Variants in RAB3C observed in about 807,000 individuals in gnomAD.
The protein encoded by RAB3C is RAB3C, member RAS oncogene family.
RAB3C carries 17 observed loss-of-function variants against 26.4 expected under a neutral mutation model. The ratio of observed to expected loss-of-function variants is 0.64; its 90% CI spans 0.44 to 0.97. The LOEUF is 0.97. RAB3C is among the 50% of genes least tolerant of loss of function. The probability of loss-of-function intolerance (pLI) is 0.00; values close to 1 mark genes in which losing one functional copy is unlikely to be tolerated. For synonymous variants in RAB3C, 91 were observed against 95.9 expected (o/e 0.95, Z 0.30); for missense variants, 242 against 281.9 (o/e 0.86, Z 1.01).
intron 1 of RAB3C, among the ~76,000 whole-genome samples, chr5:58,597,759 GTATATAACATATAA>G (rs1746354956): frequency 1.8e-5 from 2 of 113,636 alleles, no homozygotes; most frequent in Non-Finnish European, 3.4e-5. Flanking sequence ...TTATATATAA[GTATATAACATATAA>G]TACATTATAT....
chr5:58,766,741 G>A lies in RAB3C; in HGVS notation c.371+40621G>A, dbSNP rs531956879. Among the ~76,000 whole-genome samples the A allele has an allele frequency of 4.6e-5, 7 of 152,180 alleles. No individual in the cohort carries two copies. The East Asian group carries it at 9.7e-4, about 21-fold the overall frequency. On this transcript the variant is annotated intron_variant, in intron 3 of 4. Coordinates refer to ENST00000282878, the MANE Select transcript of RAB3C (RefSeq NM_138453.4). The stretch of plus-strand genomic sequence containing the variant: ...ATAGAGCTCAGCTAAAGGTTTAATC[G>A]GAGCCTTCGTTAGATAAAGGCATGG...
chr5:58,642,502 G>A (rs1747431435), intron 2 of RAB3C, among the ~76,000 whole-genome samples: 1 of 152,050 alleles, frequency 6.6e-6, no homozygotes. Flanking sequence ...TCTATACCAG[G>A]CCTCAATAAA....
At position 58,703,473 on chromosome 5, in the gene RAB3C, C is replaced by T. The variant is rs945564581; in HGVS notation, c.253-22529C>T. Among the ~76,000 whole-genome samples, 8 of 152,258 alleles carry T rather than the reference C, an allele frequency of 5.3e-5. No homozygotes were observed. In the South Asian group the frequency reaches 6.2e-4, roughly 12 times the overall value. Reference sequence around the variant, plus strand: ...CTGGAATTACAGGCATGAGCCACCGCGTCTGGCCATGTTTATTCTTTTGTA... The same window carrying T: ...CTGGAATTACAGGCATGAGCCACCGTGTCTGGCCATGTTTATTCTTTTGTA... On this transcript the variant is annotated intron_variant, in intron 2 of 4. Coordinates refer to ENST00000282878, the MANE Select transcript of RAB3C (RefSeq NM_138453.4).
chr5:58,780,344 C>A (rs1291046369), intron 3 of RAB3C, among the ~76,000 whole-genome samples: 1 of 152,112 alleles, frequency 6.6e-6, no homozygotes, highest in East Asian at 1.9e-4. Flanking sequence ...TCCTGAAAAT[C>A]AAAGCATTGT....
In RAB3C at chr5:58,711,004, G is replaced by A. The variant is rs1749048593; in HGVS notation, c.253-14998G>A. 2.6e-5 allele frequency among the ~76,000 whole-genome samples: 4 copies of A among 152,098 alleles called. No individual in the cohort carries two copies. In the South Asian group the frequency reaches 6.2e-4, roughly 24 times the overall value. Reference sequence around the variant, plus strand: ...TTCACTAGGCCCTTTGTTTCCATGAGGATCAAAGCAATCATAAAAATAAGA... The same window carrying A: ...TTCACTAGGCCCTTTGTTTCCATGAAGATCAAAGCAATCATAAAAATAAGA... On this transcript the variant is annotated intron_variant, in intron 2 of 4. Coordinates refer to ENST00000282878, the MANE Select transcript of RAB3C (RefSeq NM_138453.4).
chr5:58,631,500 G>A (rs979263951), intron 2 of RAB3C, among the ~76,000 whole-genome samples: 2 of 152,204 alleles, frequency 1.3e-5, no homozygotes, highest in African/African-American at 4.8e-5. Flanking sequence ...ATAGTAGTTT[G>A]TGAAGCAAAG....
At chr5:58,589,732 G>T (rs1296254000) in intron 1 of RAB3C, among the ~76,000 whole-genome samples, 1 of 152,070 alleles carries the variant, frequency 6.6e-6, no homozygotes, top group South Asian at 2.1e-4. Context: ...AATGGACTCC[G>T]CAGGTATAAT....
intron 3 of RAB3C, among the ~76,000 whole-genome samples, chr5:58,738,726 T>C (rs1300940607): frequency 6.6e-6 from 1 of 152,184 alleles, no homozygotes. Context: ...GAATAAAAGG[T>C]ATTATGTAAA....
At chr5:58,650,422 C>T (rs1175149730) in intron 2 of RAB3C, among the ~76,000 whole-genome samples, 1 of 152,078 alleles carries the variant, frequency 6.6e-6, no homozygotes, top group Non-Finnish European at 1.5e-5. Flanking sequence ...AGTCAAGAAA[C>T]TTGAAAAGAA....
intron 3 of RAB3C, among the ~76,000 whole-genome samples, chr5:58,748,107 CTTG>C (rs1741437435): frequency 1.3e-5 from 2 of 151,906 alleles, no homozygotes; most frequent in South Asian, 4.1e-4. Flanking sequence ...ATCCTCAATA[CTTG>C]TTGTTCATAT....
chr5:58,751,741 A>G (rs1489056810), intron 3 of RAB3C, among the ~76,000 whole-genome samples: 1 of 152,128 alleles, frequency 6.6e-6, no homozygotes. Flanking sequence ...GACTGAGCTG[A>G]CTTTTTATTT....
intron 4 of RAB3C, among the ~76,000 whole-genome samples, chr5:58,843,043 C>T (rs1743909724): frequency 6.6e-6 from 1 of 152,090 alleles, no homozygotes; most frequent in Admixed American, 6.5e-5. Flanking sequence ...CCTGGTTTAC[C>T]AAGTGTGTGA....
intron 3 of RAB3C, among the ~76,000 whole-genome samples, chr5:58,747,845 G>C (rs1248967751): frequency 6.6e-6 from 1 of 151,786 alleles, no homozygotes; most frequent in Non-Finnish European, 1.5e-5. Flanking sequence ...AAAATACCTG[G>C]GGTTTAAATG....
intron 3 of RAB3C, among the ~76,000 whole-genome samples, chr5:58,753,555 C>T (rs951823595): frequency 3.9e-5 from 6 of 152,128 alleles, no homozygotes; most frequent in African/African-American, 9.6e-5. Context: ...AAAGAAACTC[C>T]GGAGCATCTG....
chr5:58,761,014 T>C (rs1256895806), intron 3 of RAB3C, among the ~76,000 whole-genome samples: 1 of 151,400 alleles, frequency 6.6e-6, no homozygotes. Context: ...ACATGAGTTA[T>C]ATATGATCAC....
intron 3 of RAB3C, among the ~76,000 whole-genome samples, chr5:58,797,445 G>A (rs946745421): frequency 1.3e-5 from 2 of 149,194 alleles, no homozygotes; most frequent in Non-Finnish European, 3.0e-5. Flanking sequence ...AGCTCAGTGT[G>A]TAGTGCTGCT....
At chr5:58,633,140 G>A (rs1023042223) in intron 2 of RAB3C, among the ~76,000 whole-genome samples, 2 of 152,220 alleles carry the variant, frequency 1.3e-5, no homozygotes, top group Non-Finnish European at 2.9e-5. Context: ...AGAGGGAACT[G>A]ACCTGTTTTC....
intron 2 of RAB3C, among the ~76,000 whole-genome samples, chr5:58,681,120 G>A (rs545728141): frequency 6.6e-6 from 1 of 152,102 alleles, no homozygotes; most frequent in Admixed American, 6.5e-5. Context: ...TTTATATCAA[G>A]GCTTGTTTCT....
chr5:58,845,872 C>T (rs982691493), intron 4 of RAB3C, among the ~76,000 whole-genome samples: 3 of 151,798 alleles, frequency 2.0e-5, no homozygotes. Flanking sequence ...TTCCCTCACT[C>T]TCTACCCCAG....
Sources: gnomAD v4.1 joint callset for allele counts (sites outside exome capture counted in the v4.1 genomes callset) on GRCh38, gnomAD v4.1.1 for gene constraint, MANE v1.5 for transcripts, NCBI Gene and HGNC (gene_info 2026-07-23, HGNC 2026-07-21) for gene names.